The following KIF1B variants were observed in gnomAD, a reference collection of about 807,000 sequenced individuals.
KIF1B encodes the protein kinesin family member 1B.
KIF1B carries 76 observed loss-of-function variants against 241.9 expected under a neutral mutation model. That is an observed-to-expected ratio of 0.31 (90% CI 0.26 to 0.38). KIF1B has a LOEUF of 0.38. Ranked by LOEUF, KIF1B falls within the 10% of genes least tolerant of loss-of-function variation. The pLI, the probability that KIF1B is intolerant of heterozygous loss-of-function variation, is 1.00. For missense variants in KIF1B, 1,622 were observed against 2,271.4 expected, an observed-to-expected ratio of 0.71 and a Z score of 5.81; for synonymous variants, 750 against 796.7, an observed-to-expected ratio of 0.94 and a Z score of 0.99.
At chr1:10,305,647 A>G in intron 22 of KIF1B, 6 of 1,056,700 alleles carry the variant, frequency 5.7e-6, no homozygotes, top group Non-Finnish European at 6.9e-6. Context: ...TACATAATAA[A>G]CTATTCTTTG....
intron 2 of KIF1B, among the ~76,000 whole-genome samples, chr1:10,239,400 TTGC>T (rs1647102443): frequency 6.6e-6 from 1 of 152,110 alleles, no homozygotes; most frequent in Non-Finnish European, 1.5e-5. Context: ...TTCTATTCTA[TTGC>T]TGCTGAACAA....
chr1:10,363,236 T>C, intron 40 of KIF1B, 47 bp from the exon 41 acceptor site: 2 of 1,455,444 alleles, frequency 1.4e-6, no homozygotes, highest in Non-Finnish European at 1.9e-6. Context: ...ATTTTCCTGT[T>C]TTTGTGCTTT....
At chr1:10,288,523 T>G (rs549324087) in intron 15 of KIF1B, among the ~76,000 whole-genome samples, 2 of 152,298 alleles carry the variant, frequency 1.3e-5, no homozygotes, top group East Asian at 3.9e-4. Context: ...GAGAGCCATT[T>G]CAGGTGGTTT....
In KIF1B at chr1:10,317,030, G is replaced by T. The variant is rs1229856809; in HGVS notation, c.2116-3013G>T. Among the ~76,000 whole-genome samples the T allele has an allele frequency of 2.0e-5, 3 of 151,246 alleles. No homozygotes were observed. In the East Asian group the frequency reaches 5.8e-4, roughly 29 times the overall value. On this transcript the variant is annotated intron_variant, in intron 22 of 48. Transcript: ENST00000676179. The stretch of plus-strand genomic sequence containing the variant: ...TGGGCTCCAGGGATCCCAGGGGCTG[G>T]GCATGGTGGCTCACACCTGTAATCC...
chr1:10,286,116 T>C (rs1649681521), intron 15 of KIF1B, among the ~76,000 whole-genome samples: 1 of 152,070 alleles, frequency 6.6e-6, no homozygotes, highest in African/African-American at 2.4e-5. Context: ...CTCGGCTCAC[T>C]GCAACCTCCG....
At chr1:10,234,092 C>T (rs888066963) in intron 2 of KIF1B, among the ~76,000 whole-genome samples, 6 of 152,068 alleles carry the variant, frequency 3.9e-5, no homozygotes, top group South Asian at 4.1e-4. Flanking sequence ...GGGAATAGGC[C>T]GAGTGGCTCT....
intron 27 of KIF1B, among the ~76,000 whole-genome samples, chr1:10,333,136 C>T (rs1311444461): frequency 6.7e-6 from 1 of 149,922 alleles, no homozygotes; most frequent in Non-Finnish European, 1.5e-5. Flanking sequence ...CTTAAAGTAA[C>T]AATAAATGGC....
chr1:10,239,595 T>G (rs897054511), intron 2 of KIF1B, among the ~76,000 whole-genome samples: 5 of 151,908 alleles, frequency 3.3e-5, no homozygotes, highest in Non-Finnish European at 5.9e-5. Flanking sequence ...CATTTTTATT[T>G]TTTATTTTAT....
intron 19 of KIF1B, among the ~76,000 whole-genome samples, chr1:10,296,159 A>G (rs905231531): frequency 1.3e-5 from 2 of 152,330 alleles, no homozygotes; most frequent in Non-Finnish European, 2.9e-5. Flanking sequence ...TGCCTGGGTT[A>G]TTAACAAAAC....
chr1:10,374,403 G>A lies in KIF1B; in HGVS notation c.5034G>A (p.Leu1678=). ...TCCCAGCTGTGGAAACACCATATTT[G>A]GCCCGAGCAGGAAAAAACGAATTTC... ...QIVPAVETPY[L]ARAGKNEFLN... is the part of the protein sequence containing the mutation. Residue 1678 remains leucine, a synonymous_variant, in exon 46 of 49, where the codon TTG becomes TTA. Coordinates refer to ENST00000676179, the MANE Select transcript of KIF1B (RefSeq NM_001365951.3). The surrounding 1 kb of genome is among the most constrained non-coding windows in gnomAD (Gnocchi z 4.3). 1.2e-6 allele frequency: 2 copies of A among 1,614,112 alleles called. No individual in the cohort carries two copies. Among genetic ancestry groups the A allele is most frequent in the Non-Finnish European group, 1.7e-6 (2 of 1,180,020 alleles).
Position 10,235,306 on chromosome 1 carries a change from A to G in KIF1B, c.106+2872A>G, listed in dbSNP as rs549942285. 2.6e-5 allele frequency among the ~76,000 whole-genome samples: 4 copies of G among 152,268 alleles called. No homozygotes were observed. The East Asian group carries it at 7.7e-4, about 29-fold the overall frequency. Reference sequence around the variant, plus strand: ...TCACTCTTGTTACCCAGGCTGGAGTACAGTGGCACCATCTCAGCTCACTGC... The same window carrying G: ...TCACTCTTGTTACCCAGGCTGGAGTGCAGTGGCACCATCTCAGCTCACTGC... On this transcript the variant is annotated intron_variant, in intron 2 of 48. Coordinates refer to ENST00000676179, the MANE Select transcript of KIF1B (RefSeq NM_001365951.3).
Position 10,261,861 on chromosome 1 carries a change from C to T in KIF1B, c.364-44C>T, listed in dbSNP as rs756411583. 31 of 1,284,466 alleles carry T rather than the reference C, an allele frequency of 2.4e-5. No homozygotes were observed. In the East Asian group the frequency reaches 6.2e-4, roughly 26 times the overall value. The allele number at this position is 1,284,466 out of a possible 1,614,324, so 79.6% of individuals were successfully genotyped here. A position where few individuals can be genotyped will look rare whatever the true frequency, so the allele number is the denominator to read the frequency against. ...AGCACGCGTGGATGACTTAGTACTC[C>T]TCTCATTTGTGCTCTTCATGCCTCT... On this transcript the variant is annotated intron_variant, in intron 4 of 48. Coordinates refer to ENST00000676179, the MANE Select transcript of KIF1B (RefSeq NM_001365951.3).
intron 1 of KIF1B, among the ~76,000 whole-genome samples, chr1:10,223,558 T>G (rs1017498930): frequency 6.6e-6 from 1 of 151,052 alleles, no homozygotes; most frequent in African/African-American, 2.4e-5. Context: ...TTTTTTTTTT[T>G]TTTTTTTTAG....
At position 10,365,172 on chromosome 1, in the gene KIF1B, G is replaced by C. The variant is rs1369247633; in HGVS notation, c.4439G>C (p.Gly1480Ala). 6.2e-7 allele frequency: 1 copy of C among 1,614,048 alleles called. No individual in the cohort carries two copies. The highest frequency in any genetic ancestry group is 8.5e-7 in the Non-Finnish European group (1 of 1,180,012). Residue 1480 changes from glycine (G) to alanine (A), a missense_variant, in exon 42 of 49, where the codon GGC becomes GCC. Gly to Ala is a moderately conservative substitution (Grantham distance 60, BLOSUM62 0). Around this residue, in one of 7 missense-constraint regions of KIF1B, gnomAD observed 803 missense variants for 1,112.0 expected, o/e 0.72. Coordinates refer to ENST00000676179, the MANE Select transcript of KIF1B (RefSeq NM_001365951.3). The surrounding 1 kb of genome is among the most constrained non-coding windows in gnomAD (Gnocchi z 4.0). ...AYVRGEENLA[G>A]WRPRGDSLIL... ...GTGCGGGGAGAAGAGAACTTAGCAG[G>C]CTGGCGGCCCCGTGGAGACAGCCTC... is the stretch of plus-strand genomic sequence containing the variant.
intron 17 of KIF1B, among the ~76,000 whole-genome samples, chr1:10,293,165 A>G (rs111312743): frequency 0.035 from 5,318 of 150,964 alleles, 114 homozygotes; most frequent in Middle Eastern, 0.13. Flanking sequence ...TTAGATGCAT[A>G]TTGTAGAATA....
chr1:10,305,439 C>G, intron 22 of KIF1B: 1 of 1,057,672 alleles, frequency 9.5e-7, no homozygotes, highest in Non-Finnish European at 1.1e-6. Flanking sequence ...AACTATTCAC[C>G]AAAATCATGC....
intron 27 of KIF1B, among the ~76,000 whole-genome samples, chr1:10,334,117 C>G: frequency 7.4e-6 from 1 of 135,648 alleles, no homozygotes; most frequent in African/African-American, 2.8e-5. Context: ...TGCCACTGTA[C>G]TACAGCCTGG....
chr1:10,251,327 C>G (rs1569572853), intron 2 of KIF1B, among the ~76,000 whole-genome samples: 2 of 112,612 alleles, frequency 1.8e-5, no homozygotes, highest in African/African-American at 8.3e-5. Context: ...GTAGTTTTTC[C>G]TTTCTTTTTT....
intron 22 of KIF1B, among the ~76,000 whole-genome samples, chr1:10,301,111 G>T (rs768885904): frequency 1.1e-4 from 16 of 152,036 alleles, no homozygotes; most frequent in African/African-American, 3.9e-4. Context: ...TCACTTGAGC[G>T]CAAGTGTTTG....
Sources: gnomAD v4.1 joint callset for allele counts (sites outside exome capture counted in the v4.1 genomes callset) on GRCh38, gnomAD v4.1.1 for gene constraint, gnomAD v4.1.1 regional missense constraint, Gnocchi (gnomAD v3.1) non-coding constraint, MANE v1.5 for transcripts, NCBI Gene and HGNC (gene_info 2026-07-23, HGNC 2026-07-21) for gene names.